The following PTCH1 variants were observed in gnomAD, a reference collection of about 807,000 sequenced individuals.
The protein encoded by PTCH1 is protein patched homolog 1.
In PTCH1, 14 loss-of-function variants were observed where a neutral mutation model predicts 144.6. That is an observed-to-expected ratio of 0.10 (90% CI 0.06 to 0.15). PTCH1 has a LOEUF of 0.15. PTCH1 is among the 10% of genes least tolerant of loss of function. The pLI is 1.00. For missense variants in PTCH1, 1,623 were observed against 1,948.3 expected (o/e 0.83, Z 3.14); for synonymous variants, 833 against 793.6 (o/e 1.05, Z -0.83).
chr9:95,507,627 A>C (rs1406527676), intron 1 of PTCH1: 1 of 261,806 alleles, frequency 3.8e-6, no homozygotes, highest in Non-Finnish European at 5.9e-6. Flanking sequence ...CATGCTCAAC[A>C]AAACCAAAAC....
chr9:95,457,109 A>C (rs780801165), intron 18 of PTCH1, among the ~76,000 whole-genome samples: 32 of 152,290 alleles, frequency 2.1e-4, no homozygotes, highest in Non-Finnish European at 2.4e-4. Context: ...TCCTTGTAAA[A>C]ATTTGTGGGG....
chr9:95,490,893 T>C (rs1842350391), intron 2 of PTCH1, among the ~76,000 whole-genome samples: 1 of 152,212 alleles, frequency 6.6e-6, no homozygotes, highest in Admixed American at 6.5e-5. Flanking sequence ...CACAAAAAAA[T>C]GATGAATGTG....
chr9:95,516,483 A>C (rs1208760652), exon 1 of PTCH1: 1 of 1,528,886 alleles, frequency 6.5e-7, no homozygotes, highest in South Asian at 1.2e-5. Flanking sequence ...GCCGGCCGTC[A>C]ACCCCTGCTC....
intron 22 of PTCH1, among the ~76,000 whole-genome samples, chr9:95,448,324 A>C (rs540873965): frequency 6.6e-6 from 1 of 152,254 alleles, no homozygotes; most frequent in African/African-American, 2.4e-5. Flanking sequence ...TGGAATACCC[A>C]TTTCCTGGAG....
chr9:95,470,551 G>C (rs955030370), intron 12 of PTCH1, among the ~76,000 whole-genome samples: 3 of 152,162 alleles, frequency 2.0e-5, no homozygotes, highest in African/African-American at 7.2e-5. Flanking sequence ...AATAAGTACA[G>C]ATTCAAAAGT....
At chr9:95,491,191 T>C (rs1025528983) in intron 2 of PTCH1, among the ~76,000 whole-genome samples, 41 of 152,230 alleles carry the variant, frequency 2.7e-4, no homozygotes, top group Admixed American at 2.7e-3. Context: ...CAAAGCCCTT[T>C]GAGACCATAT....
At chr9:95,511,625 C>T (rs1023907062), upstream of PTCH1, among the ~76,000 whole-genome samples, 2 of 152,172 alleles carry the variant, frequency 1.3e-5, no homozygotes, top group African/African-American at 4.8e-5. Flanking sequence ...GGGCAGCATG[C>T]GAGGAAAATG....
Position 95,449,336 on chromosome 9 carries a change from A to C in PTCH1, c.3550-13T>G, listed in dbSNP as rs1564009058. The C allele has an allele frequency of 6.5e-7, 1 of 1,543,300 alleles. No individual in the cohort carries two copies. Among genetic ancestry groups the C allele is most frequent in the Admixed American group, 2.0e-5 (1 of 51,076 alleles). ...TGGCTGGAGACACCTATTTAAGGGGATTCCATGTTAAAAGTGTTCTTGTCC... is the reference window on the plus strand; with the variant it reads ...TGGCTGGAGACACCTATTTAAGGGGCTTCCATGTTAAAAGTGTTCTTGTCC... On this transcript the variant is annotated splice_polypyrimidine_tract_variant and intron_variant, in intron 21 of 23. Coordinates refer to ENST00000331920, the MANE Select transcript of PTCH1 (RefSeq NM_000264.5). The surrounding 1 kb of genome is among the most constrained non-coding windows in gnomAD (Gnocchi z 5.3).
rs1201611173 is a variant in PTCH1, at chr9:95,485,772, CCTT to C, written c.494_496del (p.Glu165del). 2 of 1,614,050 alleles carry C rather than the reference CCTT, an allele frequency of 1.2e-6. No homozygotes were observed. Among genetic ancestry groups the C allele is most frequent in the Non-Finnish European group, 8.5e-7 (1 of 1,180,042 alleles). On this transcript the variant is annotated inframe_deletion, in exon 3 of 24. Coordinates refer to ENST00000331920, the MANE Select transcript of PTCH1 (RefSeq NM_000264.5). ...CGCTTCTGTGGTCAGGACATTAGCA[CCTT>C]CTTCTTTAGGGGTCTGTATCATGAG...
chr9:95,509,547 T>C (rs1023915627), upstream of PTCH1, among the ~76,000 whole-genome samples: 1 of 152,258 alleles, frequency 6.6e-6, no homozygotes, highest in South Asian at 2.1e-4. Context: ...CTTTCTCTCT[T>C]ATTCCTTTTC....
Position 95,449,073 on chromosome 9 carries a change from G to T in PTCH1, c.3800C>A (p.Ser1267Tyr), listed in dbSNP as rs2136596504. The T allele has an allele frequency of 6.2e-7, 1 of 1,614,242 alleles. No individual in the cohort carries two copies. The highest frequency in any genetic ancestry group is 1.1e-5 in the South Asian group (1 of 91,086). The change falls in exon 22 of 24, where the codon TCC becomes TAC. Residue 1267 changes from serine (S) to tyrosine (Y), a missense_variant. This residue lies in a region of PTCH1 where 291 missense variants were observed against 287.4 expected (regional missense o/e 1.01). Transcript: ENST00000331920. The surrounding 1 kb of genome is among the most constrained non-coding windows in gnomAD (Gnocchi z 5.3). ...TGGTTCTGCAGAGTCACTTACAGTG[G>T]AGTGGGCGAAGACGGGGTTTTCTGT... ...EATENPVFAH[S>Y]TVVHPESRHH...
chr9:95,459,299 C>CT (rs1839239776), intron 17 of PTCH1, among the ~76,000 whole-genome samples: 1 of 152,286 alleles, frequency 6.6e-6, no homozygotes. Flanking sequence ...AACACTTAAC[C>CT]TGGAGGCGTC....
Position 95,508,708 on chromosome 9 carries a change from G to C in PTCH1, c.-347C>G. On this transcript the variant is annotated 5_prime_UTR_variant, in exon 1 of 24. Coordinates refer to ENST00000331920, the MANE Select transcript of PTCH1 (RefSeq NM_000264.5). The stretch of plus-strand genomic sequence containing the variant: ...CGCCGAGCGAGCCTGTCCTTCGGGC[G>C]CTTCCGCGGCACTCCTTGCGGTCCC... 4.1e-6 allele frequency: 4 copies of C among 986,832 alleles called. No individual in the cohort carries two copies. Among genetic ancestry groups the C allele is most frequent in the Non-Finnish European group, 4.8e-6 (4 of 831,032 alleles). The allele number at this position is 986,832 out of a possible 1,614,324, so 61.1% of individuals were successfully genotyped here. A position where few individuals can be genotyped will look rare whatever the true frequency, so the allele number is the denominator to read the frequency against.
intron 20 of PTCH1, chr9:95,452,328 G>GACACACACACACACACACACACAC (rs59002919): frequency 4.7e-5 from 7 of 147,772 alleles, no homozygotes; most frequent in South Asian, 2.2e-4. Flanking sequence ...CTCTCTCTCT[G>GACACACACACACACACACACACAC]ACACACACAC....
At chr9:95,510,941 C>T (rs554744862), upstream of PTCH1, among the ~76,000 whole-genome samples, 4 of 150,680 alleles carry the variant, frequency 2.7e-5, no homozygotes, top group East Asian at 5.9e-4. Context: ...GGCTCCGGGC[C>T]TCCAGCGCGG....
rs774476280 is a variant in PTCH1, at chr9:95,480,521, T to C, written c.814A>G (p.Asn272Asp). 3.7e-6 allele frequency: 6 copies of C among 1,613,578 alleles called. No individual in the cohort carries two copies. The highest frequency in any genetic ancestry group is 5.1e-6 in the Non-Finnish European group (6 of 1,179,948). The change falls in exon 6 of 24, where the codon AAC (asparagine) becomes GAC (aspartate). Residue 272 changes from asparagine (N) to aspartate (D), a missense_variant. This residue lies in a region of PTCH1 where 230 missense variants were observed against 271.0 expected (regional missense o/e 0.85). Coordinates refer to ENST00000331920, the MANE Select transcript of PTCH1 (RefSeq NM_000264.5). ...TCCTCCCAGCTGTCCACTTGATAGT[T>C]TATTTTCTTTAACTCTTCCAGGAAT... ...LEFLEELKKINYQVDSWEEML... is the reference protein window; with the variant it reads ...LEFLEELKKIDYQVDSWEEML...
In PTCH1 at chr9:95,516,487, C is replaced by G. The variant is rs1402268704; in HGVS notation, c.-16G>C. The G allele has an allele frequency of 3.9e-6, 6 of 1,534,118 alleles. No individual in the cohort carries two copies. In the African/African-American group the frequency reaches 7.0e-5, roughly 18 times the overall value. On this transcript the variant is annotated 5_prime_UTR_variant, in exon 1 of 23. Coordinates refer to the PTCH1 transcript ENST00000430669. ...CACTCACCATAGCCGGCCGTCAACC[C>G]CTGCTCGGAGCGCGGGTGCCGATGG... is the stretch of plus-strand genomic sequence containing the variant.
intron 12 of PTCH1, chr9:95,473,988 T>G (rs1486712830): frequency 4.5e-6 from 2 of 443,636 alleles, no homozygotes; most frequent in Non-Finnish European, 9.0e-6. Context: ...ACAGTACTCA[T>G]TTTTGTCTCT....
chr9:95,468,646 T>C, intron 14 of PTCH1, 105 bp downstream of exon 14: 1 of 1,494,584 alleles, frequency 6.7e-7, no homozygotes, highest in South Asian at 1.2e-5. Context: ...AACGAAATTT[T>C]TTTTTTTTTA....
Sources: allele counts gnomAD v4.1 joint callset (sites outside exome capture counted in the v4.1 genomes callset), GRCh38; gene constraint gnomAD v4.1.1; regional missense constraint gnomAD v4.1.1; non-coding constraint Gnocchi (gnomAD v3.1); transcripts MANE v1.5; gene names NCBI Gene and HGNC (gene_info 2026-07-23, HGNC 2026-07-21).